SNRK: variants seen among roughly 807,000 people sequenced by gnomAD.
SNRK encodes the protein SNF-related serine/threonine-protein kinase.
In SNRK, 3 loss-of-function variants were observed where a neutral mutation model predicts 48.2. The observed-to-expected ratio is 0.06, with a 90% confidence interval of 0.03 to 0.16. The LOEUF (loss-of-function observed/expected upper bound fraction) is 0.16. SNRK is among the 10% of genes least tolerant of loss of function. The probability of loss-of-function intolerance (pLI) is 1.00; values close to 1 mark genes in which losing one functional copy is unlikely to be tolerated. For missense variants in SNRK, 627 were observed against 976.0 expected (o/e 0.64, Z 4.76); for synonymous variants, 376 against 366.1 (o/e 1.03, Z -0.31).
intron 3 of SNRK, among the ~76,000 whole-genome samples, chr3:43,313,771 A>T (rs955785006): frequency 1.3e-5 from 2 of 152,202 alleles, no homozygotes; most frequent in Non-Finnish European, 2.9e-5. Flanking sequence ...CAATGTTACT[A>T]TTGGGGGAAA....
intron 1 of SNRK, among the ~76,000 whole-genome samples, chr3:43,293,190 A>G (rs1182659632): frequency 6.6e-6 from 1 of 151,768 alleles, no homozygotes; most frequent in African/African-American, 2.4e-5. Context: ...TACAGCATGG[A>G]TTCTTGAGCT....
rs1270647188 is a variant in SNRK, at chr3:43,323,639, GT to G, written c.590-8527del. Among the ~76,000 whole-genome samples the G allele has an allele frequency of 3.3e-5, 5 of 152,234 alleles. No homozygotes were observed. In the East Asian group the frequency reaches 9.6e-4, roughly 29 times the overall value. ...TTACCCAAGAGAAATGAGAATTTAT[GT>G]TTATACAAAAGCCTGTACACACTTT... On this transcript the variant is annotated intron_variant, in intron 3 of 6. Transcript: ENST00000296088.
intron 3 of SNRK, among the ~76,000 whole-genome samples, chr3:43,313,514 C>G (rs554911370): frequency 3.4e-4 from 52 of 152,248 alleles, no homozygotes; most frequent in Non-Finnish European, 6.3e-4. Flanking sequence ...AAATGGAGAA[C>G]AGATTGGTGG....
intron 1 of SNRK, among the ~76,000 whole-genome samples, chr3:43,293,293 A>T (rs1159159044): frequency 6.6e-6 from 1 of 152,134 alleles, no homozygotes; most frequent in Non-Finnish European, 1.5e-5. Flanking sequence ...TTCTCAGAGG[A>T]AGTAAATATT....
intron 6 of SNRK, among the ~76,000 whole-genome samples, chr3:43,346,149 C>T (rs1331330811): frequency 1.3e-5 from 2 of 152,152 alleles, no homozygotes; most frequent in Non-Finnish European, 2.9e-5. Context: ...ATAAGCAGGA[C>T]GTGGCCACAC....
At chr3:43,291,038 G>A (rs985597062) in intron 1 of SNRK, among the ~76,000 whole-genome samples, 1 of 152,176 alleles carries the variant, frequency 6.6e-6, no homozygotes, top group African/African-American at 2.4e-5. Flanking sequence ...TGGAGTTGGG[G>A]AGGGCAAGGG....
At chr3:43,328,583 G>A (rs1012382765) in intron 3 of SNRK, among the ~76,000 whole-genome samples, 2 of 152,114 alleles carry the variant, frequency 1.3e-5, no homozygotes, top group South Asian at 2.1e-4. Context: ...ACCCCCATTT[G>A]TGGAGGAATA....
At chr3:43,332,064 T>C (rs1045267005) in intron 3 of SNRK, 105 bp from the exon 4 acceptor site, 3 of 843,568 alleles carry the variant, frequency 3.6e-6, no homozygotes, top group South Asian at 3.5e-5. Context: ...CTTTGAGATA[T>C]AAATGCTTTT....
chr3:43,331,093 A>C (rs2091142952), intron 3 of SNRK, among the ~76,000 whole-genome samples: 1 of 152,212 alleles, frequency 6.6e-6, no homozygotes, highest in Admixed American at 6.5e-5. Flanking sequence ...ACAGCAGTTG[A>C]ATGTTAACAG....
At chr3:43,300,634 GAAAATTA>G (rs2090891542) in intron 2 of SNRK, among the ~76,000 whole-genome samples, 1 of 144,400 alleles carries the variant, frequency 6.9e-6, no homozygotes. Flanking sequence ...TTTTATATTT[GAAAATTA>G]AATATACCCA....
intron 1 of SNRK, among the ~76,000 whole-genome samples, chr3:43,289,060 T>C (rs1261999692): frequency 1.3e-5 from 2 of 152,114 alleles, no homozygotes; most frequent in African/African-American, 2.4e-5. Flanking sequence ...AAAAACCAGT[T>C]CCTGACTGTA....
intron 4 of SNRK, among the ~76,000 whole-genome samples, chr3:43,335,457 GTTTTTGTT>G (rs1371173936): frequency 2.0e-5 from 3 of 151,966 alleles, no homozygotes; most frequent in Non-Finnish European, 4.4e-5. Flanking sequence ...TACCAGTGTT[GTTTTTGTT>G]TTTTTGTTTT....
At chr3:43,343,729 CAT>C (rs1217743733) in intron 6 of SNRK, among the ~76,000 whole-genome samples, 5 of 152,108 alleles carry the variant, frequency 3.3e-5, no homozygotes, top group Non-Finnish European at 5.9e-5. Flanking sequence ...GTCAGGAAAA[CAT>C]GTTTGGAGAA....
At chr3:43,305,551 C>T (rs918314155) in intron 3 of SNRK, among the ~76,000 whole-genome samples, 50 of 147,408 alleles carry the variant, frequency 3.4e-4, no homozygotes, top group East Asian at 1.0e-3. Context: ...GGTGCCCTGT[C>T]GGCTCTCTGC....
At chr3:43,293,546 C>T (rs2372372) in intron 1 of SNRK, among the ~76,000 whole-genome samples, 11,881 of 151,990 alleles carry the variant, frequency 0.078, 567 homozygotes, top group African/African-American at 0.12. Flanking sequence ...GAAAAAATAT[C>T]CTGTAATCTT....
intron 4 of SNRK, among the ~76,000 whole-genome samples, chr3:43,339,816 AAAATATATATATATATATATATATAT>A (rs1328157334): frequency 1.3e-5 from 1 of 78,292 alleles, no homozygotes; most frequent in Non-Finnish European, 2.4e-5. Flanking sequence ...CTCCATTTCC[AAAATATATATATATATATATATATAT>A]ATATATATAT....
intron 4 of SNRK, chr3:43,332,594 G>A (rs1271825301): frequency 4.7e-6 from 1 of 212,948 alleles, no homozygotes; most frequent in Admixed American, 5.9e-5. Flanking sequence ...TCAACCTTCA[G>A]GAGTGGTGGT....
chr3:43,299,101 T>TG (rs2090879215), intron 1 of SNRK, among the ~76,000 whole-genome samples: 1 of 152,050 alleles, frequency 6.6e-6, no homozygotes, highest in African/African-American at 2.4e-5. Context: ...TGCAGTTTCA[T>TG]GGGGAGGATT....
chr3:43,347,707 C>T lies in SNRK; in HGVS notation c.1448C>T (p.Ala483Val), dbSNP rs1233638417. The change falls in exon 7 of 7, where the codon GCG becomes GTG. Residue 483 changes from alanine (A) to valine (V), a missense_variant. This residue lies in a region of SNRK where 98 missense variants were observed against 175.2 expected (regional missense o/e 0.56). Transcript: ENST00000296088. The surrounding 1 kb of genome is among the most constrained non-coding windows in gnomAD (Gnocchi z 5.4). ...AACCGCCTGACATCCAGGAAGAGTG[C>T]GCCCGTCCTCAACCAGATCTTTGAG... The part of the protein sequence containing the change: ...VTNRLTSRKS[A>V]PVLNQIFEEG... The T allele has an allele frequency of 1.9e-6, 3 of 1,613,840 alleles. No individual in the cohort carries two copies. The highest frequency in any genetic ancestry group is 1.7e-5 in the Admixed American group (1 of 60,012).
Sources: allele counts gnomAD v4.1 joint callset (sites outside exome capture counted in the v4.1 genomes callset), GRCh38; gene constraint gnomAD v4.1.1; regional missense constraint gnomAD v4.1.1; non-coding constraint Gnocchi (gnomAD v3.1); transcripts MANE v1.5; gene names NCBI Gene and HGNC (gene_info 2026-07-23, HGNC 2026-07-21).